ATE1: variants seen among roughly 807,000 people sequenced by gnomAD.
ATE1 encodes the protein arginyltransferase 1, also known as arginyl-tRNA--protein transferase 1.
ATE1 carries 36 observed loss-of-function variants against 70.5 expected under a neutral mutation model. That is an observed-to-expected ratio of 0.51 (90% CI 0.39 to 0.67). The LOEUF is 0.67. Ranked by LOEUF, ATE1 falls within the 30% of genes least tolerant of loss-of-function variation. The pLI, the probability that ATE1 is intolerant of heterozygous loss-of-function variation, is 0.00. For synonymous variants in ATE1, 232 were observed against 219.3 expected (o/e 1.06, Z -0.51); for missense variants, 593 against 629.5 (o/e 0.94, Z 0.62).
intron 11 of ATE1, among the ~76,000 whole-genome samples, chr10:121,778,125 C>T (rs1009763850): frequency 6.6e-6 from 1 of 152,202 alleles, no homozygotes. Context: ...GAAAATCATG[C>T]TCATGGGCAC....
chr10:121,757,243 C>A (rs1944845331), intron 11 of ATE1, among the ~76,000 whole-genome samples: 1 of 152,216 alleles, frequency 6.6e-6, no homozygotes, highest in African/African-American at 2.4e-5. Flanking sequence ...CCATTTGAGA[C>A]CACCTCAGCC....
intron 3 of ATE1, among the ~76,000 whole-genome samples, chr10:121,914,863 G>A (rs1310429566): frequency 6.6e-6 from 1 of 152,208 alleles, no homozygotes; most frequent in Non-Finnish European, 1.5e-5. Context: ...CAGAACAACA[G>A]CAGGTTATGA....
chr10:121,771,235 T>C (rs1945505458), intron 11 of ATE1, among the ~76,000 whole-genome samples: 1 of 152,094 alleles, frequency 6.6e-6, no homozygotes, highest in Non-Finnish European at 1.5e-5. Flanking sequence ...CATGCCTGGC[T>C]AATTTTTGTA....
intron 11 of ATE1, among the ~76,000 whole-genome samples, chr10:121,777,137 G>A (rs1945781115): frequency 6.6e-6 from 1 of 152,210 alleles, no homozygotes; most frequent in African/African-American, 2.4e-5. Flanking sequence ...TGAAACTGAG[G>A]CTGAGAAGTT....
At position 121,841,263 on chromosome 10, in the gene ATE1, C is replaced by T. The variant is rs546621784; in HGVS notation, c.976G>A (p.Ala326Thr). ...TRFLCSSPLE[A>T]ETPPNGPDCG... Reference sequence around the variant, plus strand: ...TCTGGCCCATTAGGGGGAGTCTCTGCCTAAGAAAAAGCAGAGGCACAAACA... The same window carrying T: ...TCTGGCCCATTAGGGGGAGTCTCTGTCTAAGAAAAAGCAGAGGCACAAACA... The change falls in exon 9 of 12, where the codon GCA becomes ACA. Residue 326 changes from alanine to threonine, a missense_variant and splice_region_variant. Ala to Thr is a moderately conservative substitution (Grantham distance 58). This residue lies in a region of ATE1 where 467 missense variants were observed against 469.6 expected (regional missense o/e 0.99). Transcript: ENST00000224652. 5 of 1,472,458 alleles carry T rather than the reference C, an allele frequency of 3.4e-6. No individual in the cohort carries two copies. The highest frequency in any genetic ancestry group is 4.5e-6 in the Non-Finnish European group (5 of 1,105,086). The allele number at this position is 1,472,458 out of a possible 1,614,324, so 91.2% of individuals were successfully genotyped here.
chr10:121,803,075 G>C (rs1484492629), intron 10 of ATE1, among the ~76,000 whole-genome samples: 3 of 152,114 alleles, frequency 2.0e-5, no homozygotes, highest in Non-Finnish European at 2.9e-5. Context: ...ATCTATTGGA[G>C]TTGTCTGCTT....
intron 8 of ATE1, among the ~76,000 whole-genome samples, chr10:121,867,560 C>T (rs1199914771): frequency 1.3e-5 from 2 of 152,130 alleles, no homozygotes; most frequent in Non-Finnish European, 1.5e-5. Flanking sequence ...TCCCGTTGTA[C>T]ACCTGTCAAA....
At chr10:121,863,151 T>A (rs1949534839) in intron 8 of ATE1, among the ~76,000 whole-genome samples, 2 of 152,206 alleles carry the variant, frequency 1.3e-5, no homozygotes, top group Admixed American at 1.3e-4. Flanking sequence ...GAGGCTCTAT[T>A]AAGTGGATCG....
At chr10:121,866,518 C>T (rs1469877839) in intron 8 of ATE1, among the ~76,000 whole-genome samples, 1 of 152,030 alleles carries the variant, frequency 6.6e-6, no homozygotes, top group Non-Finnish European at 1.5e-5. Flanking sequence ...CATATATTCC[C>T]AATACTTAAC....
intron 1 of ATE1, chr10:121,927,173 G>T: frequency 9.1e-6 from 9 of 985,374 alleles, no homozygotes; most frequent in Non-Finnish European, 1.1e-5. Context: ...TCTGAATCAC[G>T]ATGGAAAAAC....
chr10:121,802,849 T>C (rs1946944535), intron 10 of ATE1, among the ~76,000 whole-genome samples: 1 of 152,168 alleles, frequency 6.6e-6, no homozygotes, highest in African/African-American at 2.4e-5. Context: ...ACAACAGCAC[T>C]GCCAGGTTCA....
At chr10:121,927,566 C>T in intron 1 of ATE1, 1 of 982,958 alleles carries the variant, frequency 1.0e-6, no homozygotes, top group Non-Finnish European at 1.2e-6. Context: ...CCGTCCTTCA[C>T]CTCACACAAT....
intron 8 of ATE1, among the ~76,000 whole-genome samples, chr10:121,849,749 T>C (rs1001669466): frequency 6.6e-6 from 1 of 152,224 alleles, no homozygotes; most frequent in South Asian, 2.1e-4. Context: ...AACAGGTACG[T>C]GGCAGCTGTG....
intron 10 of ATE1, among the ~76,000 whole-genome samples, chr10:121,818,551 T>C (rs1216699488): frequency 1.3e-5 from 2 of 152,222 alleles, no homozygotes; most frequent in African/African-American, 4.8e-5. Context: ...GCATATGCTT[T>C]ACCAAACTCA....
At chr10:121,813,440 G>C (rs1590368148) in intron 10 of ATE1, among the ~76,000 whole-genome samples, 1 of 152,332 alleles carries the variant, frequency 6.6e-6, no homozygotes, top group East Asian at 1.9e-4. Context: ...TGGCACAGCT[G>C]TTACCCTCCC....
At chr10:121,818,022 G>C (rs1947627915) in intron 10 of ATE1, among the ~76,000 whole-genome samples, 1 of 152,054 alleles carries the variant, frequency 6.6e-6, no homozygotes, top group African/African-American at 2.4e-5. Flanking sequence ...TGGGCACAGT[G>C]GCTTATGCCT....
intron 10 of ATE1, among the ~76,000 whole-genome samples, chr10:121,806,751 CT>C (rs950770415): frequency 6.6e-5 from 10 of 152,262 alleles, no homozygotes; most frequent in African/African-American, 2.4e-4. Context: ...CCTACATACA[CT>C]TATTAAGTAT....
chr10:121,783,080 T>A (rs1379637880), intron 11 of ATE1, among the ~76,000 whole-genome samples: 23 of 152,220 alleles, frequency 1.5e-4, no homozygotes. Context: ...TTACAATTTC[T>A]TTCTTTCTTT....
intron 10 of ATE1, among the ~76,000 whole-genome samples, chr10:121,804,743 C>G (rs765287599): frequency 6.8e-6 from 1 of 147,344 alleles, no homozygotes; most frequent in Non-Finnish European, 1.5e-5. Context: ...TTTTTTTGCA[C>G]TATAAGCTCG....
Sources: gnomAD v4.1 joint callset for allele counts (sites outside exome capture counted in the v4.1 genomes callset) on GRCh38, gnomAD v4.1.1 for gene constraint, gnomAD v4.1.1 regional missense constraint, MANE v1.5 for transcripts, NCBI Gene and HGNC (gene_info 2026-07-23, HGNC 2026-07-21) for gene names.